The following LRP2 variants were observed in gnomAD, a reference collection of about 807,000 sequenced individuals.
LRP2 encodes low-density lipoprotein receptor-related protein 2.
In LRP2, 172 loss-of-function variants were observed where a neutral mutation model predicts 531.0. That is an observed-to-expected ratio of 0.32 (90% CI 0.29 to 0.37). The LOEUF (loss-of-function observed/expected upper bound fraction) is 0.37, where lower values mean the gene tolerates loss of function less well. Among genes scored for constraint, LRP2 ranks in the 10% least tolerant of loss-of-function variants. The pLI, the probability that LRP2 is intolerant of heterozygous loss-of-function variation, is 1.00. For missense variants in LRP2, 5,167 were observed against 5,868.3 expected (o/e 0.88, Z 3.90); for synonymous variants, 1,992 against 2,027.6 (o/e 0.98, Z 0.47).
intron 34 of LRP2, among the ~76,000 whole-genome samples, chr2:169,219,261 C>T (rs907605425): frequency 2.6e-5 from 4 of 152,164 alleles, no homozygotes; most frequent in Admixed American, 6.6e-5. Context: ...CAAATTACTT[C>T]TTCAGTGCCC....
Position 169,139,296 on chromosome 2 carries a change from T to C in LRP2, c.13343A>G (p.Tyr4448Cys). The C allele has an allele frequency of 3.7e-6, 6 of 1,614,162 alleles. No individual in the cohort carries two copies. The highest frequency in any genetic ancestry group is 2.2e-5 in the East Asian group (1 of 44,882). Residue 4448 changes from tyrosine to cysteine, a missense_variant, in exon 74 of 79, where the codon TAT becomes TGT. Coordinates refer to ENST00000649046, the MANE Select transcript of LRP2 (RefSeq NM_004525.3). ...GALAIAGFFHYRRTGSLLPAL... is the reference protein window; with the variant it reads ...GALAIAGFFHCRRTGSLLPAL... ...AGGCAAAAGGGAGCCGGTCCTTCTA[T>C]AGTGGAAGAATCCTGCAATTGCCAG...
At chr2:169,251,902 C>A (rs1412062963) in intron 19 of LRP2, among the ~76,000 whole-genome samples, 1 of 44,874 alleles carries the variant, frequency 2.2e-5, no homozygotes, top group Non-Finnish European at 3.7e-5. Context: ...GAAATGGATA[C>A]ATTCCTCGAC....
chr2:169,178,715 G>T (rs1013972078), intron 52 of LRP2, among the ~76,000 whole-genome samples: 1 of 152,034 alleles, frequency 6.6e-6, no homozygotes, highest in Non-Finnish European at 1.5e-5. Context: ...CAGTTCCAAG[G>T]GCTTTCATTA....
chr2:169,294,784 CA>C (rs1195315813), intron 4 of LRP2, 74 bp from the exon 5 acceptor site: 2 of 930,908 alleles, frequency 2.1e-6, no homozygotes, highest in Non-Finnish European at 3.3e-6. Flanking sequence ...CTTCAGCAAA[CA>C]TTTATTGAGT....
chr2:169,175,294 C>A lies in LRP2; in HGVS notation c.10667G>T (p.Gly3556Val). Residue 3556 changes from glycine (G) to valine (V), a missense_variant, in exon 55 of 79, where the codon GGA becomes GTA. Around this residue, in one of 6 missense-constraint regions of LRP2, gnomAD observed 311 missense variants for 309.4 expected, o/e 1.01. Transcript: ENST00000649046. ...ALCPQRFCRL[G>V]QFQCSDGNCT... ...GTTGCCGTCACTGCACTGGAACTGT[C>A]CCAGTCGGCAGAAGCGCTGCGGGCA... 1 of 1,614,160 alleles carries A rather than the reference C, an allele frequency of 6.2e-7. No individual in the cohort carries two copies. Among genetic ancestry groups the A allele is most frequent in the Non-Finnish European group, 8.5e-7 (1 of 1,180,030 alleles).
chr2:169,168,018 A>AATATAT (rs4001548), intron 61 of LRP2, among the ~76,000 whole-genome samples: 1,989 of 68,152 alleles, frequency 0.029, 188 homozygotes, highest in Middle Eastern at 0.085. Context: ...CAGGGTTTAA[A>AATATAT]ATATATATAT....
chr2:169,267,378 A>G (rs527971879), intron 16 of LRP2, among the ~76,000 whole-genome samples: 1 of 152,262 alleles, frequency 6.6e-6, no homozygotes, highest in South Asian at 2.1e-4. Flanking sequence ...CAGCAAATGT[A>G]AAAGAACAGA....
At position 169,279,504 on chromosome 2, in the gene LRP2, T is replaced by G. The variant is rs775478238; in HGVS notation, c.1433A>C (p.Asn478Thr). ...TPENLAVDWV[N>T]NKIYLVETKV... ...GGTTTCCACTAGATAGATTTTATTA[T>G]TAACCCAGTCCACAGCCAGGTTCTC... The change falls in exon 12 of 79, where the codon AAT (asparagine) becomes ACT (threonine). Residue 478 changes from asparagine to threonine, a missense_variant. Asn to Thr is a moderately conservative substitution (Grantham distance 65). Transcript: ENST00000649046. 2 of 1,613,862 alleles carry G rather than the reference T, an allele frequency of 1.2e-6. No homozygotes were observed. Among genetic ancestry groups the G allele is most frequent in the Admixed American group, 3.3e-5 (2 of 60,018 alleles).
intron 9 of LRP2, among the ~76,000 whole-genome samples, chr2:169,285,245 G>A (rs752150312): frequency 3.0e-4 from 45 of 151,834 alleles, no homozygotes; most frequent in Admixed American, 1.9e-3. Flanking sequence ...TGCAGTGAGC[G>A]TGATAATGCC....
intron 25 of LRP2, among the ~76,000 whole-genome samples, chr2:169,240,429 A>T (rs1052427458): frequency 2.0e-5 from 3 of 152,246 alleles, no homozygotes; most frequent in Non-Finnish European, 2.9e-5. Context: ...GAAGTAAGTT[A>T]ATATAATCAG....
At chr2:169,194,696 A>G (rs2105315561) in intron 46 of LRP2, among the ~76,000 whole-genome samples, 1 of 150,060 alleles carries the variant, frequency 6.7e-6, no homozygotes, top group South Asian at 2.1e-4. Context: ...TGCTATGAAA[A>G]GTGTGTACAT....
chr2:169,236,255 CA>C (rs1468617606), intron 28 of LRP2, among the ~76,000 whole-genome samples, 187 bp from the exon 29 acceptor site: 2 of 152,194 alleles, frequency 1.3e-5, no homozygotes, highest in Non-Finnish European at 2.9e-5. Flanking sequence ...AACACAATCA[CA>C]ACCCATCTGG....
intron 11 of LRP2, 137 bp downstream of exon 11, chr2:169,280,213 G>T: frequency 1.1e-6 from 1 of 871,070 alleles, no homozygotes; most frequent in Non-Finnish European, 1.8e-6. Context: ...TGGAAAAGGT[G>T]CTGATTAACA....
Position 169,362,348 on chromosome 2 carries a change from C to G in LRP2, c.52G>C (p.Ala18Pro). 2 of 1,568,792 alleles carry G rather than the reference C, an allele frequency of 1.3e-6. No homozygotes were observed. The highest frequency in any genetic ancestry group is 1.2e-5 in the South Asian group (1 of 85,366). Residue 18 changes from alanine (A) to proline (P), a missense_variant, in exon 1 of 79, where the codon GCC becomes CCC. This residue lies in a region of LRP2 where 2,811 missense variants were observed against 3,058.0 expected (regional missense o/e 0.92). Transcript: ENST00000649046. ...TGGCCACTGGCCGGCGCTAGGCAGGCGACGAGAGCCAGGAGCAGCGTGCAC... is the reference window on the plus strand; with the variant it reads ...TGGCCACTGGCCGGCGCTAGGCAGGGGACGAGAGCCAGGAGCAGCGTGCAC... ...VACTLLLALV[A>P]CLAPASGQEC...
intron 35 of LRP2, 39 bp downstream of exon 35, chr2:169,216,214 C>T (rs1222090911): frequency 1.2e-6 from 2 of 1,605,984 alleles, no homozygotes; most frequent in Non-Finnish European, 1.7e-6. Context: ...GCTACACCAG[C>T]TCAGCATAAA....
In LRP2 at chr2:169,307,405, G is replaced by C; in HGVS notation, c.311-8C>G. On this transcript the variant is annotated splice_region_variant and splice_polypyrimidine_tract_variant and intron_variant, in intron 3 of 78. Coordinates refer to ENST00000649046, the MANE Select transcript of LRP2 (RefSeq NM_004525.3). ...TTGAGCATGTACTTTGTGCTGCGAAGAGAAAAAATTATTACTTAATTTATA... is the reference window on the plus strand; with the variant it reads ...TTGAGCATGTACTTTGTGCTGCGAACAGAAAAAATTATTACTTAATTTATA... 1 of 1,484,682 alleles carries C rather than the reference G, an allele frequency of 6.7e-7. No homozygotes were observed. The highest frequency in any genetic ancestry group is 9.4e-7 in the Non-Finnish European group (1 of 1,062,162). The allele number at this position is 1,484,682 out of a possible 1,614,324, so 92.0% of individuals were successfully genotyped here.
At chr2:169,327,152 C>A (rs1371838282) in intron 1 of LRP2, among the ~76,000 whole-genome samples, 12 of 140,202 alleles carry the variant, frequency 8.6e-5, no homozygotes, top group Non-Finnish European at 1.9e-4. Flanking sequence ...CAGCCCCCCG[C>A]CCGGCCAGCC....
At chr2:169,328,460 A>C (rs1265622564) in intron 1 of LRP2, among the ~76,000 whole-genome samples, 1 of 148,300 alleles carries the variant, frequency 6.7e-6, no homozygotes, top group Admixed American at 6.7e-5. Flanking sequence ...AAAAAAAAAA[A>C]AAAAGAAAAA....
At chr2:169,167,797 T>C (rs916625719) in intron 61 of LRP2, among the ~76,000 whole-genome samples, 1 of 151,680 alleles carries the variant, frequency 6.6e-6, no homozygotes, top group African/African-American at 2.4e-5. Flanking sequence ...ACAAACTCTA[T>C]TTACGTTCAC....
Sources: gnomAD v4.1 joint callset for allele counts (sites outside exome capture counted in the v4.1 genomes callset) on GRCh38, gnomAD v4.1.1 for gene constraint, gnomAD v4.1.1 regional missense constraint, MANE v1.5 for transcripts, NCBI Gene and HGNC (gene_info 2026-07-23, HGNC 2026-07-21) for gene names.